The following HACD1 variants were observed in gnomAD, a reference collection of about 807,000 sequenced individuals.
HACD1 encodes the protein 3-hydroxyacyl-CoA dehydratase 1.
In HACD1, 41 loss-of-function variants were observed where a neutral mutation model predicts 32.0. The ratio of observed to expected loss-of-function variants is 1.28; its 90% CI spans 1.00 to 1.66. The LOEUF is 1.66. HACD1 is among the 40% of genes most tolerant of loss of function. HACD1 has a pLI of 0.00. For missense variants in HACD1, 396 were observed against 380.1 expected (o/e 1.04, Z -0.35); for synonymous variants, 142 against 139.0 (o/e 1.02, Z -0.15).
intron 1 of HACD1, among the ~76,000 whole-genome samples, 169 bp downstream of exon 1, chr10:17,616,914 C>T (rs1052526893): frequency 6.6e-6 from 1 of 151,896 alleles, no homozygotes; most frequent in Non-Finnish European, 1.5e-5. Context: ...CCCGGCCCCC[C>T]CGCCCGCTCC....
At position 17,599,337 on chromosome 10, in the gene HACD1, G is replaced by A. The variant is rs1564506548; in HGVS notation, c.558C>T (p.Tyr186=). 9 of 1,613,908 alleles carry A rather than the reference G, an allele frequency of 5.6e-6. No individual in the cohort carries two copies. In the Admixed American group the frequency reaches 6.7e-5, roughly 12 times the overall value. Residue 186 remains tyrosine, a synonymous_variant, in exon 5 of 7, where the codon TAC becomes TAT. Transcript: ENST00000361271. ...TVTEITRYSF[Y]TFSLLDHLPY... is the part of the protein sequence containing the mutation. ...GCAAGTGGTCAAGAAGGCTGAATGT[G>A]TAGAAGGAATAGCGAGTGATCTCTG... is the stretch of plus-strand genomic sequence containing the variant.
chr10:17,609,178 A>G (rs1834193000), intron 1 of HACD1, among the ~76,000 whole-genome samples: 1 of 143,884 alleles, frequency 7.0e-6, no homozygotes, highest in Non-Finnish European at 1.5e-5. Flanking sequence ...TTTTTGAGAC[A>G]GAGTCTTGCT....
At chr10:17,595,085 C>T (rs1232876640) in intron 5 of HACD1, among the ~76,000 whole-genome samples, 2 of 152,002 alleles carry the variant, frequency 1.3e-5, no homozygotes, top group Admixed American at 6.6e-5. Context: ...TCTTGAACTC[C>T]TGCCTTCAGG....
At chr10:17,606,305 G>A (rs1834147811) in intron 1 of HACD1, among the ~76,000 whole-genome samples, 1 of 152,234 alleles carries the variant, frequency 6.6e-6, no homozygotes, top group Non-Finnish European at 1.5e-5. Context: ...AGCTAGAGTT[G>A]TGGAGACCAG....
intron 1 of HACD1, among the ~76,000 whole-genome samples, chr10:17,616,623 G>A (rs1260443831): frequency 1.3e-5 from 2 of 148,616 alleles, no homozygotes; most frequent in Non-Finnish European, 3.0e-5. Flanking sequence ...CAAGTGACAA[G>A]CTCTAGGACG....
intron 1 of HACD1, among the ~76,000 whole-genome samples, chr10:17,611,279 G>A (rs951243244): frequency 2.0e-5 from 3 of 152,148 alleles, no homozygotes; most frequent in Non-Finnish European, 2.9e-5. Flanking sequence ...TTACAGGCAT[G>A]AGCCACCGCG....
Position 17,617,360 on chromosome 10 carries a change from G to A in HACD1, c.-21C>T. 1 of 1,341,670 alleles carries A rather than the reference G, an allele frequency of 7.5e-7. No individual in the cohort carries two copies. 83.1% of individuals were successfully genotyped at this position (1,341,670 alleles called of 1,614,324 possible). A position where few individuals can be genotyped will look rare whatever the true frequency, so the allele number is the denominator to read the frequency against. On this transcript the variant is annotated 5_prime_UTR_variant, in exon 1 of 7. Coordinates refer to ENST00000361271, the MANE Select transcript of HACD1 (RefSeq NM_014241.4). ...CCCATGTGCAGCGCGCAGGGGGCTC[G>A]GCGCAGCCAGCTCTACCGACCGCGA...
intron 4 of HACD1, 48 bp downstream of exon 4, chr10:17,603,512 G>A: frequency 6.8e-7 from 1 of 1,467,526 alleles, no homozygotes; most frequent in South Asian, 1.2e-5. Flanking sequence ...CCTATGAATG[G>A]AAAGCTTTCC....
At position 17,597,300 on chromosome 10, in the gene HACD1, C is replaced by A. The variant is rs115710155; in HGVS notation, c.605+1990G>T. Among the ~76,000 whole-genome samples, 860 of 152,202 alleles carry A rather than the reference C, an allele frequency of 5.7e-3. 6 individuals carry two copies. The highest frequency in any genetic ancestry group is 0.019 in the African/African-American group (799 of 41,538). ...TAGCTGGGATTACAGGCACATGTGG[C>A]TAATTTTTTAATTTTTTAGTAGAGA... On this transcript the variant is annotated intron_variant, in intron 5 of 6. Coordinates refer to ENST00000361271, the MANE Select transcript of HACD1 (RefSeq NM_014241.4).
rs782077035 is a variant in HACD1, at chr10:17,603,877, A to C, written c.375+53T>G. On this transcript the variant is annotated intron_variant, in intron 2 of 6. Transcript: ENST00000361271. ...ATCATATTGATTTTGCACAACAAAAAATGTTCACATAAATATTACAGCAAT... is the reference window on the plus strand; with the variant it reads ...ATCATATTGATTTTGCACAACAAAACATGTTCACATAAATATTACAGCAAT... 21 of 1,511,952 alleles carry C rather than the reference A, an allele frequency of 1.4e-5. No homozygotes were observed. In the Admixed American group the frequency reaches 3.2e-4, roughly 23 times the overall value. The allele number at this position is 1,511,952 out of a possible 1,614,324, so 93.7% of individuals were successfully genotyped here. A position where few individuals can be genotyped will look rare whatever the true frequency, so the allele number is the denominator to read the frequency against.
intron 1 of HACD1, among the ~76,000 whole-genome samples, chr10:17,616,644 T>TA (rs11343373): frequency 0.046 from 5,741 of 125,230 alleles, 170 homozygotes; most frequent in East Asian, 0.11. Context: ...TGCTGTGCTT[T>TA]AAAAAAAAAA....
chr10:17,611,144 G>A (rs1389453852), intron 1 of HACD1, among the ~76,000 whole-genome samples: 4 of 151,910 alleles, frequency 2.6e-5, no homozygotes, highest in Non-Finnish European at 4.4e-5. Context: ...GGGACTACAG[G>A]TGCACGCCAC....
In HACD1 at chr10:17,617,189, C is replaced by T. The variant is rs1554818248; in HGVS notation, c.151G>A (p.Gly51Ser). 3 of 1,503,060 alleles carry T rather than the reference C, an allele frequency of 2.0e-6. No homozygotes were observed. The highest frequency in any genetic ancestry group is 2.7e-6 in the Non-Finnish European group (3 of 1,130,932). 93.1% of individuals were successfully genotyped at this position (1,503,060 alleles called of 1,614,324 possible). ...ASSDEDGTNG[G>S]ASEAGEDREA... ...CGGTCCTCGCCGGCCTCCGAGGCGC[C>T]GCCGTTGGTGCCGTCCTCGTCGCTG... The change falls in exon 1 of 7, where the codon GGC becomes AGC. Residue 51 changes from glycine to serine, a missense_variant. Transcript: ENST00000361271.
At chr10:17,606,176 A>C (rs188691708) in intron 1 of HACD1, among the ~76,000 whole-genome samples, 1 of 152,306 alleles carries the variant, frequency 6.6e-6, no homozygotes, top group African/African-American at 2.4e-5. Flanking sequence ...TCTCAAAAAA[A>C]ACAAGAGAGA....
chr10:17,605,477 A>G (rs1309443899), intron 1 of HACD1, among the ~76,000 whole-genome samples: 5 of 151,242 alleles, frequency 3.3e-5, no homozygotes, highest in African/African-American at 1.2e-4. Flanking sequence ...GTGAGCCAAG[A>G]TCACGCCACT....
intron 1 of HACD1, among the ~76,000 whole-genome samples, chr10:17,616,757 C>T (rs903450130): frequency 6.6e-6 from 1 of 152,030 alleles, no homozygotes; most frequent in Non-Finnish European, 1.5e-5. Flanking sequence ...CAGGGCTGGG[C>T]GCTCCTTCAA....
Position 17,612,637 on chromosome 10 carries a change from G to C in HACD1, c.257+4446C>G, listed in dbSNP as rs376563272. On this transcript the variant is annotated intron_variant, in intron 1 of 6. Transcript: ENST00000361271. ...AGTTTTGAGTAAAAACTTGGAAGAG[G>C]GGGCCGGGCGCGGTGGCTCATGCCT... Among the ~76,000 whole-genome samples, 6 of 152,190 alleles carry C rather than the reference G, an allele frequency of 3.9e-5. No individual in the cohort carries two copies. The East Asian group carries it at 9.7e-4, about 25-fold the overall frequency.
intron 6 of HACD1, 109 bp from the exon 7 acceptor site, chr10:17,590,555 T>C: frequency 1.5e-6 from 1 of 679,230 alleles, no homozygotes; most frequent in Non-Finnish European, 2.4e-6. Context: ...CCCATACCAC[T>C]GCTGTTCCCT....
intron 1 of HACD1, among the ~76,000 whole-genome samples, chr10:17,606,013 CA>C (rs575897700): frequency 4.6e-4 from 64 of 138,998 alleles, no homozygotes; most frequent in African/African-American, 5.3e-4. Context: ...CCCGTCTCTA[CA>C]AAAAAAAAAA....
Sources: gnomAD v4.1 joint callset for allele counts (sites outside exome capture counted in the v4.1 genomes callset) on GRCh38, gnomAD v4.1.1 for gene constraint, MANE v1.5 for transcripts, NCBI Gene and HGNC (gene_info 2026-07-23, HGNC 2026-07-21) for gene names.